Variants in MAP4K4 observed in about 807,000 individuals in gnomAD.
The protein encoded by MAP4K4 is HPK/GCK-like kinase HGK.
A neutral mutation model predicts 189.6 loss-of-function variants in MAP4K4; 38 were observed. That is an observed-to-expected ratio of 0.20 (90% CI 0.15 to 0.26). The LOEUF is 0.26. Among genes scored for constraint, MAP4K4 ranks in the 10% least tolerant of loss-of-function variants. The probability of loss-of-function intolerance (pLI) is 1.00; values close to 1 mark genes in which losing one functional copy is unlikely to be tolerated. For missense variants in MAP4K4, 1,054 were observed against 1,726.9 expected, an observed-to-expected ratio of 0.61 and a Z score of 6.91; for synonymous variants, 610 against 624.3, an observed-to-expected ratio of 0.98 and a Z score of 0.34.
At chr2:101,751,852 T>A (rs2069214529) in intron 2 of MAP4K4, among the ~76,000 whole-genome samples, 1 of 152,232 alleles carries the variant, frequency 6.6e-6, no homozygotes, top group South Asian at 2.1e-4. Context: ...CATTTACGTA[T>A]ACACTGGCAT....
At chr2:101,829,823 C>A (rs373142983) in intron 6 of MAP4K4, 4 of 423,314 alleles carry the variant, frequency 9.4e-6, no homozygotes, top group African/African-American at 6.0e-5. Flanking sequence ...CCAGACTGAT[C>A]TTCAAATCAG....
At chr2:101,887,710 C>T (rs192424222) in intron 30 of MAP4K4, 68 bp from the exon 31 acceptor site, 9 of 1,250,668 alleles carry the variant, frequency 7.2e-6, no homozygotes, top group African/African-American at 1.5e-5. Context: ...AAGAGTCTTA[C>T]TGAGCACTTG....
chr2:101,764,638 A>G (rs1403819027), intron 2 of MAP4K4, among the ~76,000 whole-genome samples: 1 of 152,206 alleles, frequency 6.6e-6, no homozygotes. Context: ...GTTATTAATC[A>G]TCTAATAATT....
At chr2:101,797,006 G>T (rs998689818) in intron 3 of MAP4K4, among the ~76,000 whole-genome samples, 5 of 152,198 alleles carry the variant, frequency 3.3e-5, no homozygotes, top group African/African-American at 1.2e-4. Context: ...TCTGAGCTCT[G>T]ACCACGCATG....
At chr2:101,825,286 TG>T in intron 4 of MAP4K4, 32 bp from the exon 5 acceptor site, 1 of 1,401,928 alleles carries the variant, frequency 7.1e-7, no homozygotes, top group Non-Finnish European at 1.0e-6. Context: ...CTCCAAGATA[TG>T]TTGCTCACCT....
intron 7 of MAP4K4, among the ~76,000 whole-genome samples, chr2:101,832,891 T>C (rs747875573): frequency 2.0e-5 from 3 of 152,008 alleles, no homozygotes; most frequent in Non-Finnish European, 4.4e-5. Flanking sequence ...TCATTACTTC[T>C]TTATGTCATT....
chr2:101,842,548 C>A (rs2149567822), intron 10 of MAP4K4, 61 bp from the exon 11 acceptor site: 2 of 1,226,846 alleles, frequency 1.6e-6, no homozygotes, highest in South Asian at 1.5e-5. Flanking sequence ...AGATGCTTGT[C>A]TGAACAGGCG....
At chr2:101,840,550 G>C (rs1171280444) in intron 10 of MAP4K4, among the ~76,000 whole-genome samples, 2 of 152,148 alleles carry the variant, frequency 1.3e-5, no homozygotes, top group African/African-American at 4.8e-5. Context: ...TTATGTCTTT[G>C]CACATACTTT....
rs117796328 is a variant in MAP4K4 at position 101,846,146 on chromosome 2, C to T, written c.1233+1835C>T. Among the ~76,000 whole-genome samples, 291 of 152,286 alleles carry T rather than the reference C, an allele frequency of 1.9e-3. 11 individuals are homozygous for T. In the East Asian group the frequency reaches 0.043, roughly 22 times the overall value. On this transcript the variant is annotated intron_variant, in intron 12 of 32. Coordinates refer to ENST00000324219, the Ensembl canonical transcript of MAP4K4. ...CGTTCCCCTGTAGTAGGGACAACTT[C>T]GCTGCTTTTATAATGCTTTTTGTAG...
chr2:101,818,394 G>A (rs2095846297), intron 3 of MAP4K4, among the ~76,000 whole-genome samples: 1 of 152,060 alleles, frequency 6.6e-6, no homozygotes, highest in Non-Finnish European at 1.5e-5. Flanking sequence ...AGCTGTCGCC[G>A]AGTCTCCATT....
At chr2:101,877,244 G>A in intron 27 of MAP4K4, 98 bp downstream of exon 27, 1 of 1,196,404 alleles carries the variant, frequency 8.4e-7, no homozygotes, top group Non-Finnish European at 1.2e-6. Context: ...CTGATGTACT[G>A]GCTAAATAAG....
chr2:101,797,160 GTTC>G, intron 3 of MAP4K4: 4 of 1,165,542 alleles, frequency 3.4e-6, no homozygotes, highest in Non-Finnish European at 4.4e-6. Context: ...TGAATGTGTT[GTTC>G]TTGTCTAGAC....
chr2:101,852,027 C>T (rs758841747), intron 12 of MAP4K4, among the ~76,000 whole-genome samples: 34 of 151,844 alleles, frequency 2.2e-4, no homozygotes, highest in Non-Finnish European at 4.1e-4. Context: ...AAATTTAAGC[C>T]TATGTGAAAA....
intron 13 of MAP4K4, among the ~76,000 whole-genome samples, chr2:101,858,215 C>T (rs973401113): frequency 6.6e-6 from 1 of 152,226 alleles, no homozygotes; most frequent in Non-Finnish European, 1.5e-5. Flanking sequence ...CTGAGGCCTC[C>T]TGGTATCCCT....
chr2:101,844,396 C>CTGAG, intron 12 of MAP4K4, 85 bp downstream of exon 12: 3 of 1,068,236 alleles, frequency 2.8e-6, no homozygotes, highest in South Asian at 1.5e-5. Context: ...GGAATATCCT[C>CTGAG]TGTAGCTTCC....
exon 16 of MAP4K4, chr2:101,860,862 C>A (rs767832475): frequency 6.2e-7 from 1 of 1,609,346 alleles, no homozygotes; most frequent in East Asian, 2.2e-5. Flanking sequence ...CACAGCTCCC[C>A]TGAAGCCCAG....
Position 101,752,978 on chromosome 2 carries a change from G to A in MAP4K4, c.124-37742G>A, listed in dbSNP as rs186127080. On this transcript the variant is annotated intron_variant, in intron 2 of 32. Coordinates refer to ENST00000324219, the Ensembl canonical transcript of MAP4K4. ...AGGCAAAAGCAGACTGCAGGACAAT[G>A]CCAGTTCTGTGTTTATTGCACAGTA... 1.9e-4 allele frequency among the ~76,000 whole-genome samples: 29 copies of A among 152,330 alleles called. 1 individual carries two copies. The highest frequency in any genetic ancestry group is 6.5e-4 in the African/African-American group (27 of 41,586).
intron 3 of MAP4K4, among the ~76,000 whole-genome samples, chr2:101,793,971 G>C (rs2093343378): frequency 6.6e-6 from 1 of 152,166 alleles, no homozygotes; most frequent in Admixed American, 6.5e-5. Flanking sequence ...CTGGAAGTGG[G>C]GAGGCATTTA....
intron 17 of MAP4K4, 56 bp from the exon 18 acceptor site, chr2:101,864,874 A>G: frequency 8.6e-7 from 1 of 1,161,486 alleles, no homozygotes; most frequent in Non-Finnish European, 1.2e-6. Flanking sequence ...GTAGGGAAGT[A>G]TTTTTTTTCC....
Sources: gnomAD v4.1 joint callset for allele counts (sites outside exome capture counted in the v4.1 genomes callset) on GRCh38, gnomAD v4.1.1 for gene constraint, MANE v1.5 for transcripts, NCBI Gene and HGNC (gene_info 2026-07-23, HGNC 2026-07-21) for gene names.